ARHGEF7: variants seen among roughly 807,000 people sequenced by gnomAD.
The protein encoded by ARHGEF7 is PAK-interacting exchange factor beta.
In ARHGEF7, 33 loss-of-function variants were observed where a neutral mutation model predicts 109.8. The observed-to-expected ratio is 0.30, with a 90% CI of 0.23 to 0.40. The LOEUF is 0.40. Ranked by LOEUF, ARHGEF7 falls within the 10% of genes least tolerant of loss-of-function variation. The probability of loss-of-function intolerance (pLI) is 1.00; values close to 1 mark genes in which losing one functional copy is unlikely to be tolerated. For synonymous variants in ARHGEF7, 458 were observed against 424.6 expected, an observed-to-expected ratio of 1.08 and a Z score of -0.97; for missense variants, 938 against 1,098.5, an observed-to-expected ratio of 0.85 and a Z score of 2.07.
intron 6 of ARHGEF7, 42 bp from the exon 7 acceptor site, chr13:111,243,830 C>T: frequency 7.7e-7 from 1 of 1,296,408 alleles, no homozygotes; most frequent in Non-Finnish European, 1.1e-6. Flanking sequence ...TGTCAAATAG[C>T]AATTGAAATG....
intron 19 of ARHGEF7, among the ~76,000 whole-genome samples, chr13:111,296,589 C>A (rs2093433407): frequency 6.6e-6 from 1 of 152,146 alleles, no homozygotes; most frequent in South Asian, 2.1e-4. Context: ...AAGAACCAAC[C>A]AGCTGTTTTG....
rs2092868542 is a variant in ARHGEF7 at position 111,283,283 on chromosome 13, A to G, written c.1870A>G (p.Lys624Glu). 1 of 1,578,528 alleles carries G rather than the reference A, an allele frequency of 6.3e-7. No homozygotes were observed. The highest frequency in any genetic ancestry group is 8.6e-7 in the Non-Finnish European group (1 of 1,165,804). Residue 624 changes from lysine to glutamate, a missense_variant, in exon 16 of 22, where the codon AAA becomes GAA. This residue lies in a region of ARHGEF7 where 585 missense variants were observed against 723.6 expected (regional missense o/e 0.81). Transcript: ENST00000646102. The part of the protein sequence containing the change: ...TINWGPLEPP[K>E]TPKPWSLSCL... ...CAACTGGGGACCCCTGGAGCCTCCG[A>G]AAACACCCAAGCCCTGGAGCCTGAG...
In ARHGEF7 at chr13:111,209,899, G is replaced by A. The variant is rs2082293315; in HGVS notation, c.365G>A (p.Cys122Tyr). Residue 122 changes from cysteine (C) to tyrosine (Y), a missense_variant, in exon 4 of 22, where the codon TGT (cysteine) becomes TAT (tyrosine). Transcript: ENST00000646102. ...ADIGLGSDSV[C>Y]ARPSSHRIKS... ...ATCGGGCTGGGGAGTGACTCCGTGT[G>A]TGCCCGGCCCTCGTCTCACCGCATA... 6.2e-7 allele frequency: 1 copy of A among 1,614,080 alleles called. No individual in the cohort carries two copies.
At chr13:111,178,226 TGAG>T (rs1485691767) in intron 2 of ARHGEF7, among the ~76,000 whole-genome samples, 3 of 152,252 alleles carry the variant, frequency 2.0e-5, no homozygotes, top group African/African-American at 7.2e-5. Context: ...TCTGAGTTCC[TGAG>T]GAGTTCCCTT....
chr13:111,249,547 G>A (rs997545453), intron 8 of ARHGEF7, among the ~76,000 whole-genome samples: 1 of 152,032 alleles, frequency 6.6e-6, no homozygotes, highest in African/African-American at 2.4e-5. Flanking sequence ...ACGGGAAAGG[G>A]GGAGTAGAGG....
intron 1 of ARHGEF7, among the ~76,000 whole-genome samples, chr13:111,118,654 A>G (rs9522130): frequency 0.64 from 96,853 of 151,986 alleles, 32,298 homozygotes; most frequent in Admixed American, 0.75. Flanking sequence ...CACTTTAAAC[A>G]TCCCTAGGGT....
chr13:111,205,137 T>TGA, intron 2 of ARHGEF7, 152 bp from the exon 3 acceptor site: 1 of 581,666 alleles, frequency 1.7e-6, no homozygotes. Context: ...ACCTCAGGAC[T>TGA]GAGAGACTGA....
chr13:111,255,571 G>GCCCT lies in ARHGEF7; in HGVS notation c.950+11282_950+11285dup, dbSNP rs2153566113. On this transcript the variant is annotated intron_variant, in intron 8 of 21. Transcript: ENST00000646102. This position sits in a 1 kb window ranked among gnomAD's most constrained non-coding sequence, Gnocchi z 4.1. ...CTCCTGCAGCCTCTGTTCTGCCAGG[G>GCCCT]CCCTCCCTGTGCACCATTTATAACT... Among the ~76,000 whole-genome samples the GCCCT allele has an allele frequency of 6.6e-6, 1 of 152,320 alleles. No homozygotes were observed. The highest frequency in any genetic ancestry group is 2.1e-4 in the South Asian group (1 of 4,824).
intron 8 of ARHGEF7, among the ~76,000 whole-genome samples, chr13:111,245,091 T>C (rs952021949): frequency 6.6e-5 from 10 of 152,162 alleles, no homozygotes; most frequent in African/African-American, 2.2e-4. Flanking sequence ...TCAGGCGCTG[T>C]TGTGGAGAAG....
At chr13:111,213,643 C>T (rs1215884311) in intron 4 of ARHGEF7, among the ~76,000 whole-genome samples, 2 of 152,108 alleles carry the variant, frequency 1.3e-5, no homozygotes, top group Admixed American at 6.5e-5. Context: ...TTGTTTTTCT[C>T]AACTGAATGA....
intron 1 of ARHGEF7, among the ~76,000 whole-genome samples, chr13:111,151,465 C>T (rs533987684): frequency 5.9e-5 from 9 of 152,200 alleles, no homozygotes; most frequent in Non-Finnish European, 1.0e-4. Flanking sequence ...CAATACTGCT[C>T]ACTACACTAC....
chr13:111,119,089 C>G (rs1265063711), intron 1 of ARHGEF7, among the ~76,000 whole-genome samples: 1 of 152,210 alleles, frequency 6.6e-6, no homozygotes, highest in African/African-American at 2.4e-5. Flanking sequence ...AGGCCACTCT[C>G]AGGCTTCTGG....
intron 1 of ARHGEF7, among the ~76,000 whole-genome samples, chr13:111,143,119 A>G (rs1368987925): frequency 2.0e-5 from 3 of 152,234 alleles, no homozygotes; most frequent in Non-Finnish European, 4.4e-5. Context: ...GAACACAAGT[A>G]TGAACAGCGG....
In ARHGEF7 at chr13:111,248,513, C is replaced by T. The variant is rs376928113; in HGVS notation, c.950+4219C>T. On this transcript the variant is annotated intron_variant, in intron 8 of 21. Transcript: ENST00000646102. Reference sequence around the variant, plus strand: ...GGGGCTCCAGTTACACCCATGTAGACCTTTTGCTGGAGGTCCTGGATTTGC... The same window carrying T: ...GGGGCTCCAGTTACACCCATGTAGATCTTTTGCTGGAGGTCCTGGATTTGC... Among the ~76,000 whole-genome samples, 11 of 152,252 alleles carry T rather than the reference C, an allele frequency of 7.2e-5. No homozygotes were observed. In the East Asian group the frequency reaches 1.7e-3, roughly 24 times the overall value.
intron 4 of ARHGEF7, among the ~76,000 whole-genome samples, chr13:111,210,698 C>A (rs1434352294): frequency 6.6e-6 from 1 of 152,224 alleles, no homozygotes; most frequent in African/African-American, 2.4e-5. Flanking sequence ...ACTCTGCAGT[C>A]CTGCACCCTT....
At chr13:111,293,372 C>T in intron 19 of ARHGEF7, 1 of 984,894 alleles carries the variant, frequency 1.0e-6, no homozygotes, top group Non-Finnish European at 1.2e-6. Context: ...ACCACAATGC[C>T]TCATTGTAAT....
intron 6 of ARHGEF7, among the ~76,000 whole-genome samples, chr13:111,243,545 T>C (rs1015277309): frequency 2.0e-5 from 3 of 152,236 alleles, no homozygotes; most frequent in Non-Finnish European, 4.4e-5. Context: ...TAGAGATTGA[T>C]CTGTTTGTCC....
chr13:111,226,860 T>G, intron 5 of ARHGEF7, among the ~76,000 whole-genome samples: 1 of 152,222 alleles, frequency 6.6e-6, no homozygotes, highest in East Asian at 1.9e-4. Context: ...GATTTACCCC[T>G]TTAGATGCTG....
At chr13:111,216,478 C>T (rs570923502) in intron 4 of ARHGEF7, among the ~76,000 whole-genome samples, 1 of 151,678 alleles carries the variant, frequency 6.6e-6, no homozygotes, top group East Asian at 1.9e-4. Context: ...CTGGACTCTG[C>T]TGATGTCGCT....
Sources: allele counts gnomAD v4.1 joint callset (sites outside exome capture counted in the v4.1 genomes callset), GRCh38; gene constraint gnomAD v4.1.1; regional missense constraint gnomAD v4.1.1; non-coding constraint Gnocchi (gnomAD v3.1); transcripts MANE v1.5; gene names NCBI Gene and HGNC (gene_info 2026-07-23, HGNC 2026-07-21).